MEG3: variants seen among roughly 807,000 people sequenced by gnomAD.
The protein encoded by MEG3 is maternally expressed 3, also known as Very putative protein from MEG3 locus.
At chr14:100,836,433 G>C in intron 2 of MEG3, 1 of 419,156 alleles carries the variant, frequency 2.4e-6, no homozygotes, top group Non-Finnish European at 4.6e-6. Flanking sequence ...CTTCACATCA[G>C]CCCCAGGGGT....
chr14:100,828,487 CCCTCCCCTTCTCT>C (rs1185458098), intron 1 of MEG3, among the ~76,000 whole-genome samples: 1 of 81,340 alleles, frequency 1.2e-5, no homozygotes, highest in Non-Finnish European at 2.5e-5. Flanking sequence ...CTCTCTTTTC[CCCTCCCCTTCTCT>C]CCTCCCCTCT....
chr14:100,842,349 A>G (rs1487798030), intron 2 of MEG3, among the ~76,000 whole-genome samples: 1 of 152,208 alleles, frequency 6.6e-6, no homozygotes, highest in Non-Finnish European at 1.5e-5. Context: ...GAAGAGGCGT[A>G]TGTAAACATC....
At chr14:100,843,911 C>G (rs2037835972) in intron 2 of MEG3, among the ~76,000 whole-genome samples, 1 of 141,790 alleles carries the variant, frequency 7.1e-6, no homozygotes, top group South Asian at 2.3e-4. Context: ...GCAATCTTGG[C>G]TCACTGTAAT....
downstream of MEG3, chr14:100,830,381 ACACC>A (rs761105874): frequency 0.021 from 3,121 of 146,946 alleles, 45 homozygotes; most frequent in Middle Eastern, 0.039. Context: ...ACACACACAC[ACACC>A]CCCTCGTGTA....
At chr14:100,855,716 C>G (rs189268973), upstream of MEG3, 1 of 152,252 alleles carries the variant, frequency 6.6e-6, no homozygotes, top group Non-Finnish European at 1.5e-5. Context: ...CTAGAGCTGG[C>G]TCCCAAGGAC....
chr14:100,853,383 C>T (rs2038145470), upstream of MEG3: 1 of 152,144 alleles, frequency 6.6e-6, no homozygotes, highest in Non-Finnish European at 1.5e-5. Flanking sequence ...CCTGCTGTGT[C>T]CCGTTGTGTT....
chr14:100,852,622 G>A (rs781613200), upstream of MEG3: 3 of 346,798 alleles, frequency 8.7e-6, no homozygotes, highest in African/African-American at 2.2e-5. Context: ...AGGATGGGGC[G>A]GGAGGGGTTC....
rs144695337 is a variant in MEG3 at position 100,844,962 on chromosome 14, C to T, written n.3046-496C>T. Among the ~76,000 whole-genome samples, 533 of 152,286 alleles carry T rather than the reference C, an allele frequency of 3.5e-3. 3 individuals carry two copies. The highest frequency in any genetic ancestry group is 0.012 in the African/African-American group (498 of 41,566). On this transcript the variant is annotated intron_variant and non_coding_transcript_variant, in intron 2 of 3. Coordinates refer to the MEG3 transcript ENST00000398461. ...TGGAGTTGTCTGTCCAGGCACACAA[C>T]GTGTGTGCCATGGTTTTGGGAAACG... is the stretch of plus-strand genomic sequence containing the variant.
chr14:100,828,525 T>C, intron 1 of MEG3, among the ~76,000 whole-genome samples: 1 of 77,200 alleles, frequency 1.3e-5, no homozygotes, highest in Admixed American at 1.9e-4. Flanking sequence ...GCCCCCCTCC[T>C]TCCTCCCTCC....
At chr14:100,853,183 T>C (rs749324451), upstream of MEG3, 2 of 152,210 alleles carry the variant, frequency 1.3e-5, no homozygotes, top group South Asian at 2.1e-4. Context: ...CCTATCTTTA[T>C]GTGTTCGTTA....
At chr14:100,848,216 CTG>C (rs1566734331) in intron 3 of MEG3, 1 of 152,174 alleles carries the variant, frequency 6.6e-6, no homozygotes. Context: ...GAATGAAAGG[CTG>C]TGTGAACCAA....
chr14:100,832,438 C>T (rs975361056), downstream of MEG3: 2 of 152,446 alleles, frequency 1.3e-5, no homozygotes, highest in African/African-American at 4.8e-5. Flanking sequence ...AGAAAAGGGC[C>T]TCCCCTCCCC....
At chr14:100,860,256 G>A (rs1184009492) in exon 1 of MEG3, 1 of 216,064 alleles carries the variant, frequency 4.6e-6, no homozygotes, top group Non-Finnish European at 9.4e-6. Context: ...GATCCGAGGG[G>A]AAATGTTTAG....
At chr14:100,851,967 T>A (rs1328137937) in intron 3 of MEG3, 1 of 193,122 alleles carries the variant, frequency 5.2e-6, no homozygotes, top group East Asian at 1.5e-4. Context: ...GTCTCCCTTG[T>A]TGACCTCTCA....
chr14:100,835,220 G>T (rs566535743), exon 1 of MEG3: 220 of 182,934 alleles, frequency 1.2e-3, no homozygotes, highest in Middle Eastern at 0.012. Context: ...TGGACCCCTG[G>T]CCCTGAGTCT....
intron 3 of MEG3, chr14:100,846,718 C>T (rs1566733169): frequency 1.3e-5 from 2 of 152,142 alleles, no homozygotes; most frequent in South Asian, 4.2e-4. Flanking sequence ...GGTTCATCCG[C>T]TTTGATGGCT....
chr14:100,855,566 C>A (rs1349701702), upstream of MEG3: 1 of 152,226 alleles, frequency 6.6e-6, no homozygotes, highest in Non-Finnish European at 1.5e-5. Context: ...GGCGCATGGT[C>A]CCTCCCATGA....
At chr14:100,852,888 G>A (rs1389217532), upstream of MEG3, 4 of 157,510 alleles carry the variant, frequency 2.5e-5, no homozygotes, top group African/African-American at 9.7e-5. Context: ...GAGACCCACT[G>A]GTGCCCTGGA....
intron 2 of MEG3, among the ~76,000 whole-genome samples, chr14:100,836,833 GT>G (rs35447463): frequency 6.6e-6 from 1 of 152,058 alleles, no homozygotes; most frequent in Non-Finnish European, 1.5e-5. Context: ...TCAAATAGTG[GT>G]TTTTGAGCAA....
Sources: allele counts gnomAD v4.1 joint callset (sites outside exome capture counted in the v4.1 genomes callset), GRCh38; gene constraint gnomAD v4.1.1; transcripts MANE v1.5; gene names NCBI Gene and HGNC (gene_info 2026-07-23, HGNC 2026-07-21).